Variants in PRKG1 observed in about 807,000 individuals in gnomAD.
The protein encoded by PRKG1 is protein kinase cGMP-dependent 1.
PRKG1 carries 35 observed loss-of-function variants against 88.1 expected under a neutral mutation model. The observed-to-expected ratio is 0.40, with a 90% CI of 0.30 to 0.53. The LOEUF is 0.53. Among genes scored for constraint, PRKG1 ranks in the 20% least tolerant of loss-of-function variants. PRKG1 has a pLI of 0.59. For synonymous variants in PRKG1, 303 were observed against 292.5 expected (o/e 1.04, Z -0.37); for missense variants, 540 against 839.8 (o/e 0.64, Z 4.41).
At chr10:51,059,487 C>G (rs774715623) in intron 1 of PRKG1, among the ~76,000 whole-genome samples, 2 of 152,142 alleles carry the variant, frequency 1.3e-5, no homozygotes, top group East Asian at 3.8e-4. Flanking sequence ...GCCTCAAACT[C>G]CTGGGCTCAA....
intron 3 of PRKG1, among the ~76,000 whole-genome samples, chr10:51,731,255 C>T (rs139371190): frequency 2.0e-4 from 31 of 152,138 alleles, no homozygotes; most frequent in African/African-American, 7.0e-4. Flanking sequence ...GAAATGTTCC[C>T]AAAGTAATAA....
At chr10:51,170,810 C>T (rs2132007191) in intron 2 of PRKG1, among the ~76,000 whole-genome samples, 1 of 151,750 alleles carries the variant, frequency 6.6e-6, no homozygotes, top group East Asian at 1.9e-4. Context: ...AATAACTGAG[C>T]TCTGATGGTA....
chr10:51,749,058 G>T (rs1359631069), intron 3 of PRKG1, among the ~76,000 whole-genome samples: 1 of 152,166 alleles, frequency 6.6e-6, no homozygotes, highest in African/African-American at 2.4e-5. Context: ...AACTTGCATA[G>T]AAGTGCCTGC....
At chr10:51,979,867 G>T (rs1299213680) in intron 5 of PRKG1, among the ~76,000 whole-genome samples, 2 of 151,714 alleles carry the variant, frequency 1.3e-5, no homozygotes, top group Non-Finnish European at 1.5e-5. Flanking sequence ...GTGTTTATTT[G>T]GATCTTCTCT....
intron 7 of PRKG1, among the ~76,000 whole-genome samples, chr10:52,123,060 C>T (rs1185526563): frequency 6.6e-6 from 1 of 152,106 alleles, no homozygotes; most frequent in Non-Finnish European, 1.5e-5. Context: ...TTTTAACCTG[C>T]ACAAACAATT....
At chr10:51,666,448 C>A (rs1026932652) in intron 3 of PRKG1, among the ~76,000 whole-genome samples, 4 of 152,170 alleles carry the variant, frequency 2.6e-5, no homozygotes, top group Non-Finnish European at 4.4e-5. Context: ...GTGAGTGAAT[C>A]CTTGTGACAC....
intron 4 of PRKG1, among the ~76,000 whole-genome samples, chr10:51,806,787 T>G (rs1271874043): frequency 1.3e-5 from 2 of 152,154 alleles, no homozygotes. Context: ...CCAAAAACAG[T>G]GAGGTTTTTC....
At chr10:52,085,674 A>C (rs900910424) in intron 7 of PRKG1, among the ~76,000 whole-genome samples, 1 of 152,156 alleles carries the variant, frequency 6.6e-6, no homozygotes, top group Admixed American at 6.6e-5. Context: ...CTTAAAAACC[A>C]ATATCTGTAT....
rs1348295163 is a variant in PRKG1, at chr10:50,991,171, G to C, written c.-208G>C. On this transcript the variant is annotated 5_prime_UTR_variant, in exon 1 of 18. Coordinates refer to the PRKG1 transcript ENST00000401604. The surrounding 1 kb of genome is among the most constrained non-coding windows in gnomAD (Gnocchi z 4.5). ...CTTTTAGACTTCTCATCCTCCCCTC[G>C]GTGCTTTTAGTCCATTCAGCAGAAG... The C allele has an allele frequency of 2.3e-5, 14 of 617,956 alleles. No homozygotes were observed. The highest frequency in any genetic ancestry group is 2.9e-5 in the Non-Finnish European group (11 of 381,882). 38.3% of individuals were successfully genotyped at this position (617,956 alleles called of 1,614,324 possible).
intron 1 of PRKG1, among the ~76,000 whole-genome samples, chr10:51,133,856 AAGAT>A (rs1845629568): frequency 6.6e-6 from 1 of 152,218 alleles, no homozygotes; most frequent in Non-Finnish European, 1.5e-5. Flanking sequence ...ATATATTAAA[AAGAT>A]AAATGGGAGA....
intron 2 of PRKG1, among the ~76,000 whole-genome samples, chr10:51,352,752 G>A (rs911240054): frequency 1.3e-5 from 2 of 151,568 alleles, no homozygotes; most frequent in African/African-American, 4.8e-5. Context: ...CATAGAAATA[G>A]AAAAAAAATC....
chr10:52,014,733 G>A (rs10762526), intron 5 of PRKG1, among the ~76,000 whole-genome samples: 52,509 of 152,118 alleles, frequency 0.35, 9,661 homozygotes, highest in Admixed American at 0.4. Context: ...ATATAATGGG[G>A]GTACAGGCAT....
intron 3 of PRKG1, among the ~76,000 whole-genome samples, chr10:51,481,545 G>T (rs958617552): frequency 6.6e-6 from 1 of 152,016 alleles, no homozygotes; most frequent in East Asian, 1.9e-4. Context: ...CACCATGCCC[G>T]GCCAGACTCT....
Position 51,564,357 on chromosome 10 carries a change from A to T in PRKG1, c.592+96521A>T, listed in dbSNP as rs79668513. Among the ~76,000 whole-genome samples, 779 of 152,228 alleles carry T rather than the reference A, an allele frequency of 5.1e-3. 26 individuals are homozygous for T. The East Asian group carries it at 0.079, about 15-fold the overall frequency. Reference sequence around the variant, plus strand: ...AGTGGTAAATGCTATAGAGAGAAATAAAAAGGCCTAGAGTTTGGGGGCAGT... The same window carrying T: ...AGTGGTAAATGCTATAGAGAGAAATTAAAAGGCCTAGAGTTTGGGGGCAGT... On this transcript the variant is annotated intron_variant, in intron 3 of 17. Coordinates refer to ENST00000373980, the MANE Select transcript of PRKG1 (RefSeq NM_006258.4).
At chr10:52,092,962 A>C (rs918853537) in intron 7 of PRKG1, among the ~76,000 whole-genome samples, 5 of 152,156 alleles carry the variant, frequency 3.3e-5, no homozygotes, top group Admixed American at 2.6e-4. Context: ...GGCCTGTAAA[A>C]TGTGGACTGT....
At chr10:51,491,513 G>T (rs1840706977) in intron 3 of PRKG1, among the ~76,000 whole-genome samples, 1 of 152,084 alleles carries the variant, frequency 6.6e-6, no homozygotes, top group Admixed American at 6.6e-5. Flanking sequence ...AGATGAAGGA[G>T]CTGAGAGCTA....
chr10:51,478,041 A>T (rs1357099596), intron 3 of PRKG1, among the ~76,000 whole-genome samples: 2 of 152,004 alleles, frequency 1.3e-5, no homozygotes, highest in African/African-American at 4.8e-5. Flanking sequence ...GTGAAGAGGT[A>T]AAGGGTATTC....
At chr10:51,967,367 C>T (rs1178695319) in intron 5 of PRKG1, among the ~76,000 whole-genome samples, 6 of 151,826 alleles carry the variant, frequency 4.0e-5, no homozygotes, top group Non-Finnish European at 7.4e-5. Flanking sequence ...ACAATGAGAA[C>T]ACATGGACAC....
chr10:51,225,786 G>C (rs1262490589), intron 2 of PRKG1, among the ~76,000 whole-genome samples: 1 of 152,040 alleles, frequency 6.6e-6, no homozygotes, highest in Non-Finnish European at 1.5e-5. Flanking sequence ...AAAAGTTCTA[G>C]ATTCACTGTA....
Sources: allele counts gnomAD v4.1 joint callset (sites outside exome capture counted in the v4.1 genomes callset), GRCh38; gene constraint gnomAD v4.1.1; non-coding constraint Gnocchi (gnomAD v3.1); transcripts MANE v1.5; gene names NCBI Gene and HGNC (gene_info 2026-07-23, HGNC 2026-07-21).